Variants in GNAO1 observed in about 807,000 individuals in gnomAD.
The protein encoded by GNAO1 is G protein subunit alpha o1.
For missense variants in GNAO1, 166 were observed against 478.7 expected, an observed-to-expected ratio of 0.35 and a Z score of 6.10; for synonymous variants, 164 against 180.7, an observed-to-expected ratio of 0.91 and a Z score of 0.74.
chr16:56,329,253 A>T (rs2037665527), intron 4 of GNAO1: 3 of 153,722 alleles, frequency 2.0e-5, no homozygotes, highest in Admixed American at 1.9e-4. Flanking sequence ...TAAAATTAAG[A>T]ATAAGGAATA....
intron 6 of GNAO1, among the ~76,000 whole-genome samples, chr16:56,338,267 C>T (rs530768515): frequency 6.6e-6 from 1 of 152,306 alleles, no homozygotes; most frequent in South Asian, 2.1e-4. Context: ...CCCACCTGTA[C>T]CCCTGACTTG....
intron 2 of GNAO1, among the ~76,000 whole-genome samples, chr16:56,272,203 G>A (rs1275576388): frequency 3.9e-5 from 6 of 152,136 alleles, no homozygotes; most frequent in African/African-American, 1.4e-4. Flanking sequence ...CAGCTACTTG[G>A]GAGGCTGAGG....
intron 2 of GNAO1, among the ~76,000 whole-genome samples, chr16:56,214,559 A>G (rs1010965989): frequency 4.6e-5 from 7 of 152,258 alleles, no homozygotes; most frequent in African/African-American, 9.6e-5. Flanking sequence ...GTTAAAGTAA[A>G]CAGGACGTTT....
intron 6 of GNAO1, chr16:56,345,383 C>T: frequency 1.0e-6 from 1 of 985,698 alleles, no homozygotes; most frequent in Admixed American, 6.1e-5. Context: ...CTGGACACTG[C>T]TTAGTCCCCA....
At chr16:56,217,998 GGAGGCAAGGAAGATGCCAAACAACTCA>G (rs2036451068) in intron 2 of GNAO1, among the ~76,000 whole-genome samples, 1 of 152,316 alleles carries the variant, frequency 6.6e-6, no homozygotes, top group African/African-American at 2.4e-5. Context: ...TTGTTCAGAT[GGAGGCAAGGAAGATGCCAAACAACTCA>G]CCATCTGAAA....
At chr16:56,259,457 C>T (rs1037208147) in intron 2 of GNAO1, among the ~76,000 whole-genome samples, 5 of 152,218 alleles carry the variant, frequency 3.3e-5, no homozygotes, top group African/African-American at 1.2e-4. Flanking sequence ...ACCAGCCTGA[C>T]CCACATGCAT....
rs544356551 is a variant in GNAO1, at chr16:56,316,876, C to T, written c.304-11755C>T. ...GCCCTGGCTCCTGCTTAACTGTGGC[C>T]AGGGCCAGGAGTGGGAAACTGCACC... On this transcript the variant is annotated intron_variant, in intron 3 of 8. Transcript: ENST00000262493. Among the ~76,000 whole-genome samples, 29 of 152,272 alleles carry T rather than the reference C, an allele frequency of 1.9e-4. No individual in the cohort carries two copies. The East Asian group carries it at 5.6e-3, about 29-fold the overall frequency.
chr16:56,334,889 G>A (rs1348114079), intron 5 of GNAO1, 32 bp downstream of exon 5: 14 of 1,611,598 alleles, frequency 8.7e-6, no homozygotes, highest in Admixed American at 8.3e-5. Flanking sequence ...AGGCCCTGGC[G>A]AGGGCTAAGA....
intron 3 of GNAO1, chr16:56,303,054 TCC>T (rs1351904900): frequency 6.6e-6 from 1 of 152,396 alleles, no homozygotes; most frequent in African/African-American, 2.4e-5. Flanking sequence ...TCTGGTTCTC[TCC>T]CCGGCCTGAA....
Position 56,354,785 on chromosome 16 carries a change from C to A in GNAO1, c.878-81C>A. ...ACTTCCTGGGACACGCCACAACCCA[C>A]TTCTTGTCTTCATGTCCCCAGCCCT... On this transcript the variant is annotated intron_variant, in intron 7 of 8. Coordinates refer to ENST00000262493, the MANE Select transcript of GNAO1 (RefSeq NM_020988.3). The surrounding 1 kb of genome is among the most constrained non-coding windows in gnomAD (Gnocchi z 4.3). 1 of 835,720 alleles carries A rather than the reference C, an allele frequency of 1.2e-6. No individual in the cohort carries two copies. The highest frequency in any genetic ancestry group is 2.0e-6 in the Non-Finnish European group (1 of 503,624). 51.8% of individuals were successfully genotyped at this position (835,720 alleles called of 1,614,324 possible).
At chr16:56,241,809 T>A (rs1297101228) in intron 2 of GNAO1, among the ~76,000 whole-genome samples, 3 of 152,210 alleles carry the variant, frequency 2.0e-5, no homozygotes, top group African/African-American at 7.2e-5. Context: ...GTATTTTGAT[T>A]GAGTGTATGT....
chr16:56,310,638 G>C (rs983580383), intron 3 of GNAO1, among the ~76,000 whole-genome samples: 7 of 152,156 alleles, frequency 4.6e-5, no homozygotes, highest in Non-Finnish European at 8.8e-5. Flanking sequence ...ACCGTACTCA[G>C]TAATCCACAA....
At chr16:56,344,356 G>C in intron 6 of GNAO1, 1 of 1,046,494 alleles carries the variant, frequency 9.6e-7, no homozygotes. Flanking sequence ...GGTGCTGGCA[G>C]GGTGGGGTCA....
In GNAO1 at chr16:56,331,550, A is replaced by G. The variant is rs918320809; in HGVS notation, c.464+2759A>G. On this transcript the variant is annotated intron_variant, in intron 4 of 8. Transcript: ENST00000262493. ...AGGGTTCAGGGTTCAGTCCCCTAGT[A>G]CCTGGTACCTCCTTTCACTCCCAGC... is the stretch of plus-strand genomic sequence containing the variant. Among the ~76,000 whole-genome samples the G allele has an allele frequency of 5.9e-5, 9 of 151,740 alleles. No homozygotes were observed. The East Asian group carries it at 9.7e-4, about 16-fold the overall frequency.
At chr16:56,308,600 G>A (rs1375515243) in intron 3 of GNAO1, among the ~76,000 whole-genome samples, 3 of 152,190 alleles carry the variant, frequency 2.0e-5, no homozygotes, top group Admixed American at 6.5e-5. Context: ...ATCTGGCTCA[G>A]GGAGAAGGTG....
chr16:56,195,583 A>G (rs918824108), intron 2 of GNAO1, among the ~76,000 whole-genome samples: 4 of 152,232 alleles, frequency 2.6e-5, no homozygotes, highest in African/African-American at 9.6e-5. Context: ...GTGCAATACA[A>G]TTGGTGACCA....
intron 2 of GNAO1, among the ~76,000 whole-genome samples, chr16:56,231,454 T>C (rs867762579): frequency 6.6e-6 from 1 of 152,226 alleles, no homozygotes; most frequent in Non-Finnish European, 1.5e-5. Context: ...TTTTTTCTTT[T>C]CCTTTTCTAG....
chr16:56,199,592 ACT>A (rs1455883765), intron 2 of GNAO1, among the ~76,000 whole-genome samples: 1 of 151,904 alleles, frequency 6.6e-6, no homozygotes, highest in Non-Finnish European at 1.5e-5. Context: ...ATTTTGATTC[ACT>A]CTCTCATTTA....
intron 3 of GNAO1, among the ~76,000 whole-genome samples, chr16:56,287,802 G>T (rs1182614995): frequency 6.6e-6 from 1 of 152,024 alleles, no homozygotes; most frequent in African/African-American, 2.4e-5. Context: ...GAGGAGAGCT[G>T]CTTCTGACTC....
Sources: allele counts gnomAD v4.1 joint callset (sites outside exome capture counted in the v4.1 genomes callset), GRCh38; gene constraint gnomAD v4.1.1; non-coding constraint Gnocchi (gnomAD v3.1); transcripts MANE v1.5; gene names NCBI Gene and HGNC (gene_info 2026-07-23, HGNC 2026-07-21).